The following LRPPRC variants were observed in gnomAD, a reference collection of about 807,000 sequenced individuals.
LRPPRC encodes the protein leucine rich pentatricopeptide repeat containing, also known as leucine-rich PPR motif-containing protein, mitochondrial.
In LRPPRC, 120 loss-of-function variants were observed where a neutral mutation model predicts 180.3. The ratio of observed to expected loss-of-function variants is 0.67; its 90% confidence interval spans 0.57 to 0.77. The LOEUF is 0.77. Among genes scored for constraint, LRPPRC ranks in the 30% least tolerant of loss-of-function variants. The probability of loss-of-function intolerance (pLI) is 0.00; values close to 1 mark genes in which losing one functional copy is unlikely to be tolerated. For synonymous variants in LRPPRC, 723 were observed against 600.0 expected, an observed-to-expected ratio of 1.21 and a Z score of -3.00; for missense variants, 2,012 against 1,657.2, an observed-to-expected ratio of 1.21 and a Z score of -3.72.
intron 9 of LRPPRC, 47 bp from the exon 10 acceptor site, chr2:43,973,947 C>A: frequency 8.3e-7 from 1 of 1,207,020 alleles, no homozygotes; most frequent in Non-Finnish European, 1.2e-6. Flanking sequence ...AAACACCCCA[C>A]CGTTTGACCT....
At chr2:43,897,615 G>C (rs1558898922) in intron 34 of LRPPRC, among the ~76,000 whole-genome samples, 1 of 152,114 alleles carries the variant, frequency 6.6e-6, no homozygotes, top group Admixed American at 6.5e-5. Flanking sequence ...TTTATCATCT[G>C]AAACCCCAGT....
intron 11 of LRPPRC, among the ~76,000 whole-genome samples, chr2:43,968,574 A>G (rs899582785): frequency 6.6e-6 from 1 of 152,228 alleles, no homozygotes; most frequent in Non-Finnish European, 1.5e-5. Flanking sequence ...GTGCTTCTCT[A>G]CATAAAGAAA....
intron 25 of LRPPRC, among the ~76,000 whole-genome samples, chr2:43,930,913 G>A (rs1224434916): frequency 6.6e-6 from 1 of 152,112 alleles, no homozygotes; most frequent in African/African-American, 2.4e-5. Flanking sequence ...CCTTCTTTTA[G>A]TCTATGACCT....
Position 43,957,438 on chromosome 2 carries a change from T to C in LRPPRC, c.1596A>G (p.Thr532=). ...DFVLSFLKSN[T]LPISLQSIRS... The stretch of plus-strand genomic sequence containing the variant: ...TTATAGACTGCAGCGAGATGGGCAA[T>C]GTATTTGATTTCACTGCAAAAGAAA... The change falls in exon 14 of 38, where the codon ACA becomes ACG. Residue 532 remains threonine (T), a synonymous_variant. Coordinates refer to ENST00000260665, the MANE Select transcript of LRPPRC (RefSeq NM_133259.4). 1.9e-6 allele frequency: 3 copies of C among 1,612,884 alleles called. No individual in the cohort carries two copies. Among genetic ancestry groups the C allele is most frequent in the South Asian group, 1.1e-5 (1 of 91,062 alleles).
intron 29 of LRPPRC, among the ~76,000 whole-genome samples, chr2:43,916,962 A>AC: frequency 6.6e-6 from 1 of 150,654 alleles, no homozygotes; most frequent in South Asian, 2.1e-4. Flanking sequence ...AAAAAAAAAA[A>AC]AAAAAAAGAA....
chr2:43,944,535 A>C (rs1029166333), intron 22 of LRPPRC, among the ~76,000 whole-genome samples: 8 of 152,238 alleles, frequency 5.3e-5, no homozygotes, highest in East Asian at 3.9e-4. Flanking sequence ...TTTTAAAAAA[A>C]TAGGCTAATC....
intron 1 of LRPPRC, among the ~76,000 whole-genome samples, chr2:43,986,755 A>T (rs1447945091): frequency 1.3e-5 from 2 of 152,196 alleles, no homozygotes; most frequent in African/African-American, 4.8e-5. Flanking sequence ...AAGGGCATTG[A>T]AGAAACTAAT....
intron 24 of LRPPRC, among the ~76,000 whole-genome samples, 181 bp from the exon 25 acceptor site, chr2:43,934,477 T>A (rs1672201772): frequency 6.6e-6 from 1 of 151,730 alleles, no homozygotes; most frequent in South Asian, 2.1e-4. Flanking sequence ...CAAAGAGAAC[T>A]AGTGAGGATA....
chr2:43,994,710 C>T (rs1369611705), intron 1 of LRPPRC, among the ~76,000 whole-genome samples: 1 of 152,144 alleles, frequency 6.6e-6, no homozygotes, highest in Admixed American at 6.5e-5. Flanking sequence ...TTCTCCAATG[C>T]TAAAAGCTCA....
rs900826601 is a variant in LRPPRC at position 43,979,843 on chromosome 2, T to G, written c.452A>C (p.Asp151Ala). The change falls in exon 3 of 38, where the codon GAC becomes GCC. Residue 151 changes from aspartate to alanine, a missense_variant. Transcript: ENST00000260665. ...ERTEFAHRIW[D>A]TLQKLGAVYD... ...AATCATACCTAATTTCTGAAGTGTG[T>G]CCCATATCCTATGAGCAAATTCTGT... 2.5e-6 allele frequency: 4 copies of G among 1,613,112 alleles called. No homozygotes were observed. In the African/African-American group the frequency reaches 5.3e-5, roughly 22 times the overall value.
intron 36 of LRPPRC, among the ~76,000 whole-genome samples, chr2:43,892,948 G>C (rs1247184940): frequency 2.6e-5 from 4 of 152,138 alleles, no homozygotes; most frequent in African/African-American, 9.7e-5. Context: ...TAATTGATAG[G>C]AGGTCAAATT....
intron 31 of LRPPRC, chr2:43,901,925 G>A (rs1670904400): frequency 1.2e-5 from 2 of 171,860 alleles, no homozygotes; most frequent in South Asian, 2.9e-4. Context: ...AAGATTAAAT[G>A]ATCATCAAAA....
At chr2:43,927,060 CA>C (rs1303940294) in intron 25 of LRPPRC, among the ~76,000 whole-genome samples, 2 of 152,216 alleles carry the variant, frequency 1.3e-5, no homozygotes, top group Non-Finnish European at 2.9e-5. Context: ...ACCATTTCAA[CA>C]TAATTCCAAG....
intron 31 of LRPPRC, 37 bp downstream of exon 31, chr2:43,905,655 C>T (rs368954543): frequency 1.6e-5 from 23 of 1,410,812 alleles, no homozygotes; most frequent in Non-Finnish European, 2.2e-5. Flanking sequence ...TCTGCAGAGG[C>T]ATTAATGTGA....
At position 43,976,998 on chromosome 2, in the gene LRPPRC, C is replaced by T; in HGVS notation, c.646G>A (p.Ala216Thr). 1 of 1,612,754 alleles carries T rather than the reference C, an allele frequency of 6.2e-7. No individual in the cohort carries two copies. ...SYCNVGDIEG[A>T]SKILGFMKTK... is the part of the protein sequence containing the mutation. ...CATGTTCATACAGATCCATACCTGG[C>T]ACCTTCAATATCTCCTACATTACAA... Residue 216 changes from alanine (A) to threonine (T), a missense_variant, in exon 5 of 38, where the codon GCC becomes ACC. Coordinates refer to ENST00000260665, the MANE Select transcript of LRPPRC (RefSeq NM_133259.4).
At chr2:43,983,954 A>T (rs2103751496) in intron 1 of LRPPRC, among the ~76,000 whole-genome samples, 1 of 152,318 alleles carries the variant, frequency 6.6e-6, no homozygotes, top group South Asian at 2.1e-4. Flanking sequence ...AAATCAAGAT[A>T]CTGACTAAAT....
chr2:43,992,506 G>A (rs1674826912), intron 1 of LRPPRC, among the ~76,000 whole-genome samples: 1 of 152,176 alleles, frequency 6.6e-6, no homozygotes, highest in Non-Finnish European at 1.5e-5. Context: ...TAAAGAGTCT[G>A]GATCTCCTTC....
In LRPPRC at chr2:43,977,040, TCTGGTATGTCAC is replaced by T; in HGVS notation, c.592_603del (p.Val198_Gln201del). 3 of 1,613,404 alleles carry T rather than the reference TCTGGTATGTCAC, an allele frequency of 1.9e-6. No individual in the cohort carries two copies. Among genetic ancestry groups the T allele is most frequent in the Admixed American group, 3.3e-5 (2 of 60,004 alleles). On this transcript the variant is annotated inframe_deletion and splice_region_variant, in exon 5 of 38. Coordinates refer to ENST00000260665, the MANE Select transcript of LRPPRC (RefSeq NM_133259.4). The stretch of plus-strand genomic sequence containing the variant: ...ACATTACAATAAGAAGCAATCAATC[TCTGGTATGTCAC>T]CTGTCAATGAAATGGGCCAGTTAAT...
In LRPPRC at chr2:43,949,772, A is replaced by G. The variant is rs1219315924; in HGVS notation, c.1678-113T>C. ...CCTCTCCCCAGTAAGGTACTATTCTATTTCACAGTAATTCAAAACCACCCC... is the reference window on the plus strand; with the variant it reads ...CCTCTCCCCAGTAAGGTACTATTCTGTTTCACAGTAATTCAAAACCACCCC... On this transcript the variant is annotated intron_variant, in intron 15 of 37. Coordinates refer to ENST00000260665, the MANE Select transcript of LRPPRC (RefSeq NM_133259.4). The G allele has an allele frequency of 6.7e-6, 5 of 750,596 alleles. No homozygotes were observed. The African/African-American group carries it at 8.7e-5, about 13-fold the overall frequency. The allele number at this position is 750,596 out of a possible 1,614,324, so 46.5% of individuals were successfully genotyped here. A position where few individuals can be genotyped will look rare whatever the true frequency, so the allele number is the denominator to read the frequency against.
Sources: gnomAD v4.1 joint callset for allele counts (sites outside exome capture counted in the v4.1 genomes callset) on GRCh38, gnomAD v4.1.1 for gene constraint, MANE v1.5 for transcripts, NCBI Gene and HGNC (gene_info 2026-07-23, HGNC 2026-07-21) for gene names.